The following PPP2CA variants were observed in gnomAD, a reference collection of about 807,000 sequenced individuals.
PPP2CA encodes the protein serine/threonine-protein phosphatase 2A catalytic subunit alpha isoform.
Under a neutral mutation model 38.8 loss-of-function variants are expected in PPP2CA, and 5 were observed. That is an observed-to-expected ratio of 0.13 (90% CI 0.07 to 0.27). PPP2CA has a LOEUF of 0.27. PPP2CA is among the 10% of genes least tolerant of loss of function. The pLI, the probability that PPP2CA is intolerant of heterozygous loss-of-function variation, is 1.00. For missense variants in PPP2CA, 88 were observed against 389.7 expected (o/e 0.23, Z 6.52); for synonymous variants, 152 against 134.0 (o/e 1.13, Z -0.93).
chr5:134,208,167 G>A (rs1344985868), intron 1 of PPP2CA, among the ~76,000 whole-genome samples: 1 of 152,176 alleles, frequency 6.6e-6, no homozygotes, highest in African/African-American at 2.4e-5. Flanking sequence ...TTGCCATGAT[G>A]TAATTTTCAC....
chr5:134,218,140 G>A (rs1190737411), intron 1 of PPP2CA, among the ~76,000 whole-genome samples: 1 of 151,752 alleles, frequency 6.6e-6, no homozygotes, highest in Non-Finnish European at 1.5e-5. Context: ...TAACTACACT[G>A]AACAGATACC....
At chr5:134,201,111 A>G in intron 3 of PPP2CA, 37 bp from the exon 4 acceptor site, 1 of 1,495,384 alleles carries the variant, frequency 6.7e-7, no homozygotes, top group African/African-American at 1.4e-5. Context: ...CCTCACCTAA[A>G]AAATTTGTAA....
chr5:134,204,255 G>GA (rs1762029400), intron 2 of PPP2CA, among the ~76,000 whole-genome samples: 2 of 152,108 alleles, frequency 1.3e-5, no homozygotes, highest in Admixed American at 1.3e-4. Flanking sequence ...TGCCTAGGGG[G>GA]GAAAAAATCT....
rs1762572679 is a variant in PPP2CA at position 134,225,968 on chromosome 5, G to A, written c.-107C>T. The A allele has an allele frequency of 9.8e-7, 1 of 1,022,356 alleles. No homozygotes were observed. Among genetic ancestry groups the A allele is most frequent in the Admixed American group, 2.3e-5 (1 of 43,850 alleles). 63.3% of individuals were successfully genotyped at this position (1,022,356 alleles called of 1,614,324 possible). A position where few individuals can be genotyped will look rare whatever the true frequency, so the allele number is the denominator to read the frequency against. ...CGCCGGTTCCTCGTGTACTTCTGGCGGCTGTTGAGGCTGGCGCTGGCCCGC... is the reference window on the plus strand; with the variant it reads ...CGCCGGTTCCTCGTGTACTTCTGGCAGCTGTTGAGGCTGGCGCTGGCCCGC... On this transcript the variant is annotated 5_prime_UTR_variant, in exon 1 of 7. Transcript: ENST00000481195.
At chr5:134,218,313 T>G (rs1580649883) in intron 1 of PPP2CA, among the ~76,000 whole-genome samples, 1 of 152,208 alleles carries the variant, frequency 6.6e-6, no homozygotes, top group South Asian at 2.1e-4. Flanking sequence ...GAGGGATAAT[T>G]CTAAAAGTGT....
At chr5:134,209,516 T>TAATCCCA (rs1219735788) in intron 1 of PPP2CA, among the ~76,000 whole-genome samples, 3 of 152,208 alleles carry the variant, frequency 2.0e-5, no homozygotes, top group Admixed American at 6.5e-5. Flanking sequence ...CTCACGCCTG[T>TAATCCCA]AATCCCAAAT....
chr5:134,200,909 T>G (rs1434971388), intron 4 of PPP2CA, 76 bp downstream of exon 4: 15 of 1,171,600 alleles, frequency 1.3e-5, no homozygotes, highest in Non-Finnish European at 1.9e-5. Context: ...AGAGAATACA[T>G]CTAATGAACT....
At chr5:134,206,678 GACGGGGTCTC>G (rs1402087371) in intron 1 of PPP2CA, among the ~76,000 whole-genome samples, 5 of 152,148 alleles carry the variant, frequency 3.3e-5, no homozygotes, top group Admixed American at 6.5e-5. Context: ...TTTTTGTAGA[GACGGGGTCTC>G]ACGTGATCCT....
chr5:134,201,473 T>C (rs527838576), intron 3 of PPP2CA, among the ~76,000 whole-genome samples: 197 of 152,342 alleles, frequency 1.3e-3, no homozygotes, highest in African/African-American at 4.2e-3. Context: ...CTCCTGCCCT[T>C]TGCCAGAGAC....
At chr5:134,216,508 C>T (rs1375179331) in intron 1 of PPP2CA, among the ~76,000 whole-genome samples, 1 of 138,598 alleles carries the variant, frequency 7.2e-6, no homozygotes, top group East Asian at 2.0e-4. Context: ...CCACTGCATT[C>T]CAGCCTGGGC....
chr5:134,218,814 G>T (rs1168059302), intron 1 of PPP2CA, among the ~76,000 whole-genome samples: 1 of 151,904 alleles, frequency 6.6e-6, no homozygotes, highest in Admixed American at 6.6e-5. Flanking sequence ...GACTACAGGC[G>T]CCCACCACCA....
chr5:134,223,365 C>T (rs556480091), intron 1 of PPP2CA, among the ~76,000 whole-genome samples: 1 of 152,258 alleles, frequency 6.6e-6, no homozygotes, highest in Admixed American at 6.5e-5. Flanking sequence ...AACATCAGTT[C>T]ATGGATTCTA....
rs1316803818 is a variant in PPP2CA at position 134,195,177 on chromosome 5, ACAT to A, written c.*2592_*2594del. The A allele has an allele frequency of 6.6e-6, 1 of 152,248 alleles. No individual in the cohort carries two copies. Among genetic ancestry groups the A allele is most frequent in the Non-Finnish European group, 1.5e-5 (1 of 68,042 alleles). The allele number at this position is 152,248 out of a possible 1,614,324, so 9.4% of individuals were successfully genotyped here. A position where few individuals can be genotyped will look rare whatever the true frequency, so the allele number is the denominator to read the frequency against. ...AGGATACTCAACCCAAGACATGAGCACATCATGTACAAATTCATTGTAAACTTA... is the reference window on the plus strand; with the variant it reads ...AGGATACTCAACCCAAGACATGAGCACATGTACAAATTCATTGTAAACTTA... On this transcript the variant is annotated 3_prime_UTR_variant, in exon 7 of 7. Coordinates refer to ENST00000481195, the MANE Select transcript of PPP2CA (RefSeq NM_002715.4).
intron 1 of PPP2CA, among the ~76,000 whole-genome samples, chr5:134,220,940 G>A (rs188740228): frequency 4.6e-5 from 7 of 152,302 alleles, no homozygotes; most frequent in Middle Eastern, 3.4e-3. Flanking sequence ...AGTGGAGAAC[G>A]TAGGGAGGGT....
At chr5:134,215,407 CA>C (rs1352048078) in intron 1 of PPP2CA, among the ~76,000 whole-genome samples, 31 of 147,348 alleles carry the variant, frequency 2.1e-4, no homozygotes, top group Admixed American at 3.4e-4. Flanking sequence ...CCATCTCTAC[CA>C]AAAAAAAAAT....
chr5:134,224,381 CA>C (rs1762515932), intron 1 of PPP2CA: 1 of 426,462 alleles, frequency 2.3e-6, no homozygotes, highest in Non-Finnish European at 4.6e-6. Context: ...TTGGGAGAAA[CA>C]AATCTAAATC....
Position 134,205,798 on chromosome 5 carries a change from T to C in PPP2CA, c.312+124A>G, listed in dbSNP as rs528600499. The stretch of plus-strand genomic sequence containing the variant: ...GATTTTTAAGTCCAAAACCTGAACA[T>C]ATGCATTCCTAAATGTGGAATTTTG... On this transcript the variant is annotated intron_variant, in intron 2 of 6. Coordinates refer to ENST00000481195, the MANE Select transcript of PPP2CA (RefSeq NM_002715.4). 4 of 793,412 alleles carry C rather than the reference T, an allele frequency of 5.0e-6. No individual in the cohort carries two copies. In the Admixed American group the frequency reaches 7.7e-5, roughly 15 times the overall value. 49.1% of individuals were successfully genotyped at this position (793,412 alleles called of 1,614,324 possible). A position where few individuals can be genotyped will look rare whatever the true frequency, so the allele number is the denominator to read the frequency against.
At chr5:134,218,708 G>A (rs991086544) in intron 1 of PPP2CA, among the ~76,000 whole-genome samples, 1 of 147,212 alleles carries the variant, frequency 6.8e-6, no homozygotes, top group Non-Finnish European at 1.5e-5. Flanking sequence ...TCTTGCTGTC[G>A]CTTAGGCTGG....
Position 134,197,741 on chromosome 5 carries a change from C to T in PPP2CA, c.*31G>A, listed in dbSNP as rs1761885137. 6.5e-7 allele frequency: 1 copy of T among 1,548,994 alleles called. No homozygotes were observed. Among genetic ancestry groups the T allele is most frequent in the East Asian group, 2.2e-5 (1 of 44,556 alleles). On this transcript the variant is annotated 3_prime_UTR_variant, in exon 7 of 7. Coordinates refer to ENST00000481195, the MANE Select transcript of PPP2CA (RefSeq NM_002715.4). ...ATTTCCATTAGGTCGATATATGGTT[C>T]ATGGCAATACTGTACAAGTTTAAAA...
Sources: gnomAD v4.1 joint callset for allele counts (sites outside exome capture counted in the v4.1 genomes callset) on GRCh38, gnomAD v4.1.1 for gene constraint, MANE v1.5 for transcripts, NCBI Gene and HGNC (gene_info 2026-07-23, HGNC 2026-07-21) for gene names.